Variants in GPC5 observed in about 807,000 individuals in gnomAD.
GPC5 encodes glypican-5.
In GPC5, 47 loss-of-function variants were observed where a neutral mutation model predicts 53.9. That is an observed-to-expected ratio of 0.87 (90% confidence interval 0.69 to 1.11). The LOEUF (loss-of-function observed/expected upper bound fraction) is 1.11. Among genes scored for constraint, GPC5 ranks in the 50% most tolerant of loss-of-function variants. The probability of loss-of-function intolerance (pLI) is 0.00; values close to 1 mark genes in which losing one functional copy is unlikely to be tolerated. For synonymous variants in GPC5, 286 were observed against 263.3 expected, an observed-to-expected ratio of 1.09 and a Z score of -0.84; for missense variants, 748 against 713.1, an observed-to-expected ratio of 1.05 and a Z score of -0.56.
chr13:91,440,778 G>C (rs1015750308), intron 1 of GPC5, among the ~76,000 whole-genome samples: 1 of 152,154 alleles, frequency 6.6e-6, no homozygotes, highest in Non-Finnish European at 1.5e-5. Flanking sequence ...AACTGTCACT[G>C]CGTCTCTTGG....
chr13:91,511,136 C>T (rs1255506669), intron 2 of GPC5, among the ~76,000 whole-genome samples: 1 of 152,056 alleles, frequency 6.6e-6, no homozygotes, highest in African/African-American at 2.4e-5. Flanking sequence ...GAAGCATTTC[C>T]TTTCTTGATA....
chr13:92,418,564 T>C (rs1876422188), intron 7 of GPC5, among the ~76,000 whole-genome samples: 1 of 152,194 alleles, frequency 6.6e-6, no homozygotes, highest in Non-Finnish European at 1.5e-5. Flanking sequence ...CCTAATTGTA[T>C]AAAATACTAT....
chr13:92,692,754 A>ATTTTTTTTTGTTTTTTTTTT (rs1887443992), intron 7 of GPC5, among the ~76,000 whole-genome samples: 1 of 81,050 alleles, frequency 1.2e-5, no homozygotes, highest in Non-Finnish European at 2.2e-5. Context: ...AATATCGGCT[A>ATTTTTTTTTGTTTTTTTTTT]TTTTTTTTTT....
At chr13:91,964,261 G>A (rs1255274073) in intron 6 of GPC5, among the ~76,000 whole-genome samples, 3 of 152,188 alleles carry the variant, frequency 2.0e-5, no homozygotes, top group Admixed American at 6.5e-5. Context: ...AACAGTGAAA[G>A]AACAAAGCCT....
At chr13:92,822,587 CCA>C in intron 7 of GPC5, among the ~76,000 whole-genome samples, 1 of 152,138 alleles carries the variant, frequency 6.6e-6, no homozygotes, top group African/African-American at 2.4e-5. Flanking sequence ...AGCTGCAACC[CCA>C]GAGTGATTTC....
At chr13:91,621,969 G>C (rs1353458032) in intron 2 of GPC5, among the ~76,000 whole-genome samples, 1 of 151,840 alleles carries the variant, frequency 6.6e-6, no homozygotes, top group Non-Finnish European at 1.5e-5. Context: ...AAAATCACTG[G>C]TGTAAGTCTG....
At chr13:92,379,132 CAT>C (rs1158251905) in intron 7 of GPC5, among the ~76,000 whole-genome samples, 1 of 152,128 alleles carries the variant, frequency 6.6e-6, no homozygotes, top group African/African-American at 2.4e-5. Context: ...GGGGCTCAGA[CAT>C]AACTCATTTA....
chr13:92,357,218 T>C (rs370882925), intron 7 of GPC5, among the ~76,000 whole-genome samples: 3 of 151,866 alleles, frequency 2.0e-5, no homozygotes, highest in Non-Finnish European at 4.4e-5. Flanking sequence ...TTATATTCCT[T>C]TGGGTATATA....
intron 4 of GPC5, among the ~76,000 whole-genome samples, chr13:91,755,372 C>A (rs912250589): frequency 6.6e-6 from 1 of 152,062 alleles, no homozygotes; most frequent in Admixed American, 6.6e-5. Flanking sequence ...TCCAACATTT[C>A]CTTCTTCTGC....
intron 6 of GPC5, among the ~76,000 whole-genome samples, chr13:91,930,740 A>C (rs1005408053): frequency 6.6e-6 from 1 of 152,000 alleles, no homozygotes; most frequent in Admixed American, 6.6e-5. Context: ...TCCCCAAACT[A>C]ATCATTCTTT....
chr13:91,881,300 A>G (rs1212874619), intron 5 of GPC5, among the ~76,000 whole-genome samples: 1 of 152,156 alleles, frequency 6.6e-6, no homozygotes, highest in African/African-American at 2.4e-5. Flanking sequence ...ACATATTTTA[A>G]CACAAAATTC....
At chr13:92,442,518 G>A (rs990290630) in intron 7 of GPC5, among the ~76,000 whole-genome samples, 3 of 108,976 alleles carry the variant, frequency 2.8e-5, no homozygotes, top group Non-Finnish European at 6.1e-5. Context: ...ATTATTTTTA[G>A]ACATTATTTT....
chr13:92,802,741 T>G (rs193219034), intron 7 of GPC5, among the ~76,000 whole-genome samples: 59 of 152,070 alleles, frequency 3.9e-4, no homozygotes, highest in African/African-American at 1.3e-3. Flanking sequence ...AGGTGGGAAT[T>G]GAACAATGGG....
chr13:92,470,964 G>A (rs1311675123), intron 7 of GPC5, among the ~76,000 whole-genome samples: 2 of 152,094 alleles, frequency 1.3e-5, no homozygotes, highest in Non-Finnish European at 2.9e-5. Flanking sequence ...AGACAGGTTT[G>A]GGAATGGGAG....
At chr13:92,698,768 T>C (rs1887638749) in intron 7 of GPC5, among the ~76,000 whole-genome samples, 1 of 152,192 alleles carries the variant, frequency 6.6e-6, no homozygotes, top group South Asian at 2.1e-4. Flanking sequence ...TTGAACTAGT[T>C]TACAGTCCCA....
chr13:91,907,533 T>C (rs912864740), intron 5 of GPC5, among the ~76,000 whole-genome samples: 1 of 136,042 alleles, frequency 7.4e-6, no homozygotes, highest in South Asian at 2.2e-4. Context: ...ATAGTATATA[T>C]GTAGTAGCCT....
intron 7 of GPC5, among the ~76,000 whole-genome samples, chr13:92,690,860 C>T (rs1320684246): frequency 5.8e-5 from 4 of 68,604 alleles, no homozygotes; most frequent in Non-Finnish European, 1.1e-4. Flanking sequence ...CTGGGGGGTG[C>T]CTCCCAGTTA....
intron 7 of GPC5, chr13:92,448,745 G>A (rs1442079554): frequency 6.6e-6 from 1 of 151,328 alleles, no homozygotes; most frequent in Non-Finnish European, 1.5e-5. Context: ...TATAAGAATT[G>A]CTCATTCAAA....
intron 7 of GPC5, among the ~76,000 whole-genome samples, chr13:92,402,077 A>C (rs772930303): frequency 2.0e-5 from 3 of 152,142 alleles, no homozygotes; most frequent in Non-Finnish European, 2.9e-5. Flanking sequence ...TCCCGGAAAA[A>C]GGAATTACAC....
Sources: allele counts gnomAD v4.1 joint callset (sites outside exome capture counted in the v4.1 genomes callset), GRCh38; gene constraint gnomAD v4.1.1; transcripts MANE v1.5; gene names NCBI Gene and HGNC (gene_info 2026-07-23, HGNC 2026-07-21).